The following SLC19A2 variants were observed in gnomAD, a reference collection of about 807,000 sequenced individuals.
SLC19A2 encodes thiamine transporter 1.
A neutral mutation model predicts 44.7 loss-of-function variants in SLC19A2; 27 were observed. That is an observed-to-expected ratio of 0.60 (90% confidence interval 0.45 to 0.83). The LOEUF (loss-of-function observed/expected upper bound fraction) is 0.83, where lower values mean the gene tolerates loss of function less well. SLC19A2 is among the 40% of genes least tolerant of loss of function. The pLI, the probability that SLC19A2 is intolerant of heterozygous loss-of-function variation, is 0.00. For synonymous variants in SLC19A2, 239 were observed against 243.6 expected, an observed-to-expected ratio of 0.98 and a Z score of 0.18; for missense variants, 566 against 613.7, an observed-to-expected ratio of 0.92 and a Z score of 0.82.
At position 169,465,866 on chromosome 1, in the gene SLC19A2, G is replaced by C; in HGVS notation, c.1477C>G (p.Gln493Glu). ...GCAGTATATTATGAAGTGGTTACTT[G>C]AGAACTTGATTGTGGATCTTCCAGC... ...RKLEDPQSSS[Q>E]VTTS The change falls in exon 6 of 6, where the codon CAA (glutamine) becomes GAA (glutamate). Residue 493 changes from glutamine (Q) to glutamate (E), a missense_variant. Transcript: ENST00000236137. 1.9e-6 allele frequency: 3 copies of C among 1,614,052 alleles called. No homozygotes were observed. Among genetic ancestry groups the C allele is most frequent in the Non-Finnish European group, 2.5e-6 (3 of 1,179,922 alleles).
At chr1:169,470,238 G>A in intron 2 of SLC19A2, 52 bp from the exon 3 acceptor site, 1 of 1,518,944 alleles carries the variant, frequency 6.6e-7, no homozygotes, top group Non-Finnish European at 9.1e-7. Context: ...CAATTATATA[G>A]AAAGCAATTT....
rs961010604 is a variant in SLC19A2 at position 169,464,118 on chromosome 1, C to T, written c.*1731G>A. 6.6e-6 allele frequency: 1 copy of T among 152,446 alleles called. No individual in the cohort carries two copies. The highest frequency in any genetic ancestry group is 1.5e-5 in the Non-Finnish European group (1 of 67,980). The allele number at this position is 152,446 out of a possible 1,614,324, so 9.4% of individuals were successfully genotyped here. On this transcript the variant is annotated 3_prime_UTR_variant, in exon 6 of 6. Coordinates refer to ENST00000236137, the MANE Select transcript of SLC19A2 (RefSeq NM_006996.3). ...TATTCTTGTCTTATATAAGAAAAGG[C>T]TCAGGTTGTATGCCACAAACTTTGA...
chr1:169,478,612 A>G (rs919370140), intron 1 of SLC19A2, among the ~76,000 whole-genome samples: 9 of 146,110 alleles, frequency 6.2e-5, no homozygotes, highest in African/African-American at 2.3e-4. Context: ...GGCTCAAAGC[A>G]ATCCACCAGC....
At chr1:169,483,038 A>C (rs1049018002) in intron 1 of SLC19A2, among the ~76,000 whole-genome samples, 6 of 152,270 alleles carry the variant, frequency 3.9e-5, no homozygotes, top group Admixed American at 2.0e-4. Context: ...TCTGGCCTTC[A>C]ACTATTAACA....
chr1:169,478,523 A>ATATT (rs1658378553), intron 1 of SLC19A2, among the ~76,000 whole-genome samples: 1 of 66,608 alleles, frequency 1.5e-5, no homozygotes, highest in African/African-American at 6.5e-5. Flanking sequence ...CAACCAGCTA[A>ATATT]TTTTTTTTTT....
At chr1:169,479,164 C>T (rs915519947) in intron 1 of SLC19A2, among the ~76,000 whole-genome samples, 5 of 152,134 alleles carry the variant, frequency 3.3e-5, no homozygotes, top group African/African-American at 1.2e-4. Context: ...GAGCCTTTAT[C>T]CTACTGTTTC....
At chr1:169,472,848 C>A (rs1658221074) in intron 2 of SLC19A2, among the ~76,000 whole-genome samples, 1 of 152,174 alleles carries the variant, frequency 6.6e-6, no homozygotes, top group Non-Finnish European at 1.5e-5. Context: ...TGACATATTA[C>A]CTTTTATGTT....
rs1276417964 is a variant in SLC19A2, at chr1:169,477,404, C to T, written c.558G>A (p.Ser186=). The change falls in exon 2 of 6, where the codon TCG becomes TCA. Residue 186 remains serine (S), a synonymous_variant. Transcript: ENST00000236137. ...GAGAGATGACATTCAGGCTGAACAG[C>T]GACCAGCCTGCCACTGAGACAAGGA... ...GQILVSVAGW[S]LFSLNVISLT... The T allele has an allele frequency of 5.0e-6, 8 of 1,614,138 alleles. No homozygotes were observed. Among genetic ancestry groups the T allele is most frequent in the East Asian group, 2.2e-5 (1 of 44,886 alleles).
intron 1 of SLC19A2, among the ~76,000 whole-genome samples, chr1:169,479,004 A>G (rs993520571): frequency 2.2e-4 from 33 of 152,308 alleles, no homozygotes; most frequent in African/African-American, 7.2e-4. Flanking sequence ...CAGAGTTGAG[A>G]ACAACTGCCT....
At chr1:169,479,376 T>C (rs922300525) in intron 1 of SLC19A2, among the ~76,000 whole-genome samples, 1 of 152,358 alleles carries the variant, frequency 6.6e-6, no homozygotes, top group African/African-American at 2.4e-5. Context: ...ATTTTAAAAT[T>C]GGGATATAGT....
intron 1 of SLC19A2, among the ~76,000 whole-genome samples, chr1:169,482,675 C>G (rs1279449966): frequency 6.6e-6 from 1 of 151,984 alleles, no homozygotes; most frequent in Non-Finnish European, 1.5e-5. Flanking sequence ...GATGAGAAAC[C>G]TAAAGGCTAA....
At chr1:169,478,569 C>T (rs188276035) in intron 1 of SLC19A2, among the ~76,000 whole-genome samples, 2 of 112,250 alleles carry the variant, frequency 1.8e-5, no homozygotes, top group East Asian at 5.8e-4. Flanking sequence ...GATAGGGTTT[C>T]ACCACGTTAC....
At chr1:169,466,696 C>A (rs116349390) in intron 5 of SLC19A2, among the ~76,000 whole-genome samples, 2 of 152,006 alleles carry the variant, frequency 1.3e-5, no homozygotes, top group Admixed American at 6.6e-5. Flanking sequence ...CTCCCACCCC[C>A]CAACAGGCCC....
chr1:169,483,419 A>G lies in SLC19A2; in HGVS notation c.204+2144T>C, dbSNP rs561519918. Among the ~76,000 whole-genome samples, 22 of 152,318 alleles carry G rather than the reference A, an allele frequency of 1.4e-4. No homozygotes were observed. In the South Asian group the frequency reaches 4.6e-3, roughly 32 times the overall value. On this transcript the variant is annotated intron_variant, in intron 1 of 5. Transcript: ENST00000236137. ...TATACAAAAAAACGTAGGGTTTGCC[A>G]CAAGGTAAGCAGAGGAGAATCAGCC...
At chr1:169,472,933 T>C (rs1210692179) in intron 2 of SLC19A2, among the ~76,000 whole-genome samples, 1 of 152,240 alleles carries the variant, frequency 6.6e-6, no homozygotes, top group Non-Finnish European at 1.5e-5. Context: ...TAGTTAATCA[T>C]GCATGCTCTA....
At chr1:169,468,507 A>T (rs1346792092) in intron 4 of SLC19A2, 137 bp downstream of exon 4, 1 of 742,034 alleles carries the variant, frequency 1.3e-6, no homozygotes, top group African/African-American at 1.8e-5. Flanking sequence ...AGAAAAACTG[A>T]TAATGCACAT....
rs970236365 is a variant in SLC19A2 at position 169,468,990 on chromosome 1, T to G, written c.1031-154A>C. 14 of 659,114 alleles carry G rather than the reference T, an allele frequency of 2.1e-5. No homozygotes were observed. The African/African-American group carries it at 2.4e-4, about 11-fold the overall frequency. The allele number at this position is 659,114 out of a possible 1,614,324, so 40.8% of individuals were successfully genotyped here. ...GAGGGCCTTGAAACTCACACAGAAATTTCTGAACTTGATGGAATCAATAAA... is the reference window on the plus strand; with the variant it reads ...GAGGGCCTTGAAACTCACACAGAAAGTTCTGAACTTGATGGAATCAATAAA... On this transcript the variant is annotated intron_variant, in intron 3 of 5. Transcript: ENST00000236137.
Position 169,468,149 on chromosome 1 carries a change from C to T in SLC19A2, c.1327G>A (p.Val443Ile), listed in dbSNP as rs754002628. 5.5e-5 allele frequency: 88 copies of T among 1,613,870 alleles called. 1 individual carries two copies. The South Asian group carries it at 8.7e-4, about 16-fold the overall frequency. The part of the protein sequence containing the change: ...ALQTLLTLIV[V>I]DASGLGLEIT... ...TCTAATCCAAGGCCACTGGCATCTA[C>T]CACAATTAGAGTGAGCAGCGTCTGC... Residue 443 changes from valine to isoleucine, a missense_variant, in exon 5 of 6, where the codon GTA becomes ATA. Val to Ile is a conservative substitution (Grantham distance 29, BLOSUM62 3). Coordinates refer to ENST00000236137, the MANE Select transcript of SLC19A2 (RefSeq NM_006996.3).
intron 1 of SLC19A2, 124 bp from the exon 2 acceptor site, chr1:169,477,881 G>T: frequency 1.0e-6 from 1 of 962,762 alleles, no homozygotes. Flanking sequence ...CTTGACAACA[G>T]CAGTTCAGAT....
Sources: gnomAD v4.1 joint callset for allele counts (sites outside exome capture counted in the v4.1 genomes callset) on GRCh38, gnomAD v4.1.1 for gene constraint, MANE v1.5 for transcripts, NCBI Gene and HGNC (gene_info 2026-07-23, HGNC 2026-07-21) for gene names.